NDUFAF2: variants seen among roughly 807,000 people sequenced by gnomAD.
The protein encoded by NDUFAF2 is NADH:ubiquinone oxidoreductase complex assembly factor 2, also known as NADH dehydrogenase [ubiquinone] 1 alpha subcomplex assembly factor 2.
In NDUFAF2, 13 loss-of-function variants were observed where a neutral mutation model predicts 22.8. That is an observed-to-expected ratio of 0.57 (90% CI 0.37 to 0.91). The LOEUF (loss-of-function observed/expected upper bound fraction) is 0.91. Among genes scored for constraint, NDUFAF2 ranks in the 40% least tolerant of loss-of-function variants. The pLI is 0.01. For missense variants in NDUFAF2, 162 were observed against 195.2 expected, an observed-to-expected ratio of 0.83 and a Z score of 1.01; for synonymous variants, 53 against 64.2, an observed-to-expected ratio of 0.83 and a Z score of 0.84.
chr5:61,029,362 T>C (rs141406922), intron 1 of NDUFAF2, among the ~76,000 whole-genome samples: 141 of 152,294 alleles, frequency 9.3e-4, no homozygotes, highest in African/African-American at 3.3e-3. Flanking sequence ...GCAATTGATT[T>C]CTCTGTGTGA....
chr5:61,124,992 T>C (rs1753018185), intron 3 of NDUFAF2, among the ~76,000 whole-genome samples: 1 of 151,904 alleles, frequency 6.6e-6, no homozygotes, highest in Admixed American at 6.6e-5. Context: ...GGAAGTACTA[T>C]ACTTTTAAAC....
intron 1 of NDUFAF2, among the ~76,000 whole-genome samples, chr5:60,983,516 G>C (rs1171748205): frequency 1.3e-5 from 2 of 148,538 alleles, no homozygotes; most frequent in Non-Finnish European, 3.0e-5. Flanking sequence ...TTTTCTTCTG[G>C]GGTTTTTATG....
chr5:61,080,210 C>A (rs576945888), intron 2 of NDUFAF2, among the ~76,000 whole-genome samples: 1 of 152,228 alleles, frequency 6.6e-6, no homozygotes, highest in East Asian at 1.9e-4. Context: ...GTCCTTTCTA[C>A]TTTATAGCAA....
chr5:61,033,196 T>G (rs1751750718), intron 1 of NDUFAF2, among the ~76,000 whole-genome samples: 1 of 152,162 alleles, frequency 6.6e-6, no homozygotes, highest in Non-Finnish European at 1.5e-5. Flanking sequence ...ATGATTTGGC[T>G]CTCTGTTTGT....
At chr5:61,088,060 T>A (rs1429366837) in intron 2 of NDUFAF2, among the ~76,000 whole-genome samples, 1 of 152,070 alleles carries the variant, frequency 6.6e-6, no homozygotes, top group Non-Finnish European at 1.5e-5. Context: ...ACCATCCCAC[T>A]TGTGTGGTTG....
At chr5:60,966,783 C>T (rs1750763067) in intron 1 of NDUFAF2, among the ~76,000 whole-genome samples, 1 of 152,014 alleles carries the variant, frequency 6.6e-6, no homozygotes, top group Admixed American at 6.5e-5. Flanking sequence ...AGTGTGGTGC[C>T]TCAGCCTTGT....
At chr5:61,094,556 A>G (rs1334002914) in intron 2 of NDUFAF2, among the ~76,000 whole-genome samples, 1 of 152,178 alleles carries the variant, frequency 6.6e-6, no homozygotes, top group Non-Finnish European at 1.5e-5. Flanking sequence ...CATTTGGAGG[A>G]AAGAGGCCAC....
chr5:61,098,693 A>G (rs1277863008), intron 2 of NDUFAF2, among the ~76,000 whole-genome samples: 3 of 152,166 alleles, frequency 2.0e-5, no homozygotes, highest in African/African-American at 7.2e-5. Flanking sequence ...TCGAATTTAG[A>G]TGATTAGGAG....
At chr5:60,994,102 G>A (rs1751197260) in intron 1 of NDUFAF2, among the ~76,000 whole-genome samples, 1 of 152,248 alleles carries the variant, frequency 6.6e-6, no homozygotes, top group Non-Finnish European at 1.5e-5. Context: ...AGGGGGCTGA[G>A]GTGGCGGGGG....
chr5:61,087,098 G>A (rs1752512836), intron 2 of NDUFAF2, among the ~76,000 whole-genome samples: 1 of 152,112 alleles, frequency 6.6e-6, no homozygotes, highest in Admixed American at 6.6e-5. Flanking sequence ...GGTAATTAGA[G>A]TTAGATGAGG....
At chr5:61,143,217 A>G (rs895863610) in intron 3 of NDUFAF2, among the ~76,000 whole-genome samples, 9 of 152,266 alleles carry the variant, frequency 5.9e-5, no homozygotes, top group Middle Eastern at 6.8e-3. Flanking sequence ...TGTTACTGGT[A>G]TGGGGTCCCA....
intron 1 of NDUFAF2, among the ~76,000 whole-genome samples, chr5:61,032,475 A>G (rs865814383): frequency 2.1e-4 from 32 of 152,308 alleles, no homozygotes; most frequent in Middle Eastern, 3.4e-3. Context: ...CATTTATTAA[A>G]TAGGGAATCC....
intron 1 of NDUFAF2, among the ~76,000 whole-genome samples, chr5:61,069,033 C>T (rs1043711002): frequency 1.3e-4 from 19 of 151,716 alleles, no homozygotes; most frequent in Non-Finnish European, 4.4e-5. Flanking sequence ...AATAGTACCT[C>T]ATAGCATTGT....
At chr5:61,118,610 G>A (rs1752941175) in intron 3 of NDUFAF2, among the ~76,000 whole-genome samples, 1 of 152,106 alleles carries the variant, frequency 6.6e-6, no homozygotes, top group African/African-American at 2.4e-5. Context: ...TGAATAAGCT[G>A]AACTGCAGCT....
At chr5:61,148,041 C>G (rs1741167568) in intron 3 of NDUFAF2, among the ~76,000 whole-genome samples, 1 of 152,202 alleles carries the variant, frequency 6.6e-6, no homozygotes, top group South Asian at 2.1e-4. Context: ...TAATATTCAG[C>G]TGAACACTCA....
chr5:61,038,088 A>AAGAGAGAGAGAG (rs138511749), intron 1 of NDUFAF2, among the ~76,000 whole-genome samples: 3 of 77,782 alleles, frequency 3.9e-5, no homozygotes, highest in African/African-American at 1.6e-4. Flanking sequence ...GAGGCGGGGG[A>AAGAGAGAGAGAG]AGAGAGAGAG....
chr5:61,144,998 G>A (rs1013842934), intron 3 of NDUFAF2, among the ~76,000 whole-genome samples: 1 of 152,096 alleles, frequency 6.6e-6, no homozygotes, highest in South Asian at 2.1e-4. Context: ...TTTTGCATGA[G>A]GGACTGTATG....
intron 1 of NDUFAF2, among the ~76,000 whole-genome samples, chr5:61,054,481 C>T (rs1752062580): frequency 6.6e-6 from 1 of 152,036 alleles, no homozygotes; most frequent in African/African-American, 2.4e-5. Context: ...ATTTGTGAGA[C>T]AGGAGTAGCT....
intron 3 of NDUFAF2, among the ~76,000 whole-genome samples, chr5:61,128,704 A>C (rs1753068531): frequency 6.6e-6 from 1 of 152,216 alleles, no homozygotes; most frequent in Admixed American, 6.5e-5. Flanking sequence ...CCCTACAAGA[A>C]AACCTAGGCA....
Sources: gnomAD v4.1 joint callset for allele counts (sites outside exome capture counted in the v4.1 genomes callset) on GRCh38, gnomAD v4.1.1 for gene constraint, MANE v1.5 for transcripts, NCBI Gene and HGNC (gene_info 2026-07-23, HGNC 2026-07-21) for gene names.